The following SCARF2 variants were observed in gnomAD, a reference collection of about 807,000 sequenced individuals.
SCARF2 encodes scavenger receptor class F member 2, also known as scavenger receptor expressed by endothelial cells 2 protein.
In SCARF2, 39 loss-of-function variants were observed where a neutral mutation model predicts 73.4. That is an observed-to-expected ratio of 0.53 (90% CI 0.41 to 0.69). The LOEUF is 0.69. Among genes scored for constraint, SCARF2 ranks in the 30% least tolerant of loss-of-function variants. The pLI, the probability that SCARF2 is intolerant of heterozygous loss-of-function variation, is 0.00. For synonymous variants in SCARF2, 605 were observed against 590.0 expected, an observed-to-expected ratio of 1.03 and a Z score of -0.37; for missense variants, 1,148 against 1,303.5, an observed-to-expected ratio of 0.88 and a Z score of 1.84.
At chr22:20,437,338 C>T (rs557675247) in intron 1 of SCARF2, among the ~76,000 whole-genome samples, 60 of 152,358 alleles carry the variant, frequency 3.9e-4, no homozygotes, top group African/African-American at 1.4e-3. Flanking sequence ...CGCGTGTCAT[C>T]CCCTGGGTGC....
chr22:20,428,247 T>A (rs2052602019), intron 9 of SCARF2, among the ~76,000 whole-genome samples: 1 of 139,262 alleles, frequency 7.2e-6, no homozygotes, highest in African/African-American at 2.6e-5. Context: ...TTCCTTCTCT[T>A]TCTTCTTTTC....
At chr22:20,434,204 G>T (rs2146136192) in intron 1 of SCARF2, among the ~76,000 whole-genome samples, 1 of 152,308 alleles carries the variant, frequency 6.6e-6, no homozygotes, top group African/African-American at 2.4e-5. Flanking sequence ...GAGGCAAGAG[G>T]ATTGCTTGAG....
Position 20,429,350 on chromosome 22 carries a change from C to CG in SCARF2, c.1425-11dup, listed in dbSNP as rs773570373. The CG allele has an allele frequency of 1.0e-4, 52 of 506,862 alleles. No homozygotes were observed. In the East Asian group the frequency reaches 2.4e-3, roughly 24 times the overall value. The allele number at this position is 506,862 out of a possible 1,614,324, so 31.4% of individuals were successfully genotyped here. A position where few individuals can be genotyped will look rare whatever the true frequency, so the allele number is the denominator to read the frequency against. ...CCCAAGCGAAAGCTCCCTGCGGGGGCGGGGTCTGAGCGGAGGGGCGGGGCC... is the reference window on the plus strand; with the variant it reads ...CCCAAGCGAAAGCTCCCTGCGGGGGCGGGGGTCTGAGCGGAGGGGCGGGGCC... On this transcript the variant is annotated splice_polypyrimidine_tract_variant and intron_variant, in intron 8 of 10. Transcript: ENST00000622235. This position sits in a 1 kb window ranked among gnomAD's most constrained non-coding sequence, Gnocchi z 5.2.
Position 20,429,914 on chromosome 22 carries a change from GC to G in SCARF2, c.1203-82del. The G allele has an allele frequency of 1.4e-6, 2 of 1,423,510 alleles. No individual in the cohort carries two copies. The highest frequency in any genetic ancestry group is 9.6e-7 in the Non-Finnish European group (1 of 1,039,172). The allele number at this position is 1,423,510 out of a possible 1,614,324, so 88.2% of individuals were successfully genotyped here. On this transcript the variant is annotated intron_variant, in intron 6 of 10. Transcript: ENST00000622235. This position sits in a 1 kb window ranked among gnomAD's most constrained non-coding sequence, Gnocchi z 5.2. ...CCCTCACCCCTCACCCGCGGCCAGG[GC>G]CCAGGGTCCAGGGTCCCAGAACCGG... is the stretch of plus-strand genomic sequence containing the variant.
chr22:20,429,547 G>A lies in SCARF2; in HGVS notation c.1413C>T (p.Asp471=), dbSNP rs111838285. ...GTATCTGGGCTCACCGGCGCGTAGGGTCCTTGCCGCGGCAAGCGCAGCAGC... is the reference window on the plus strand; with the variant it reads ...GTATCTGGGCTCACCGGCGCGTAGGATCCTTGCCGCGGCAAGCGCAGCAGC... ...LGCCCACRGK[D]PTRRELSLGR... Residue 471 remains aspartate (D), a synonymous_variant, in exon 8 of 11, where the codon GAC becomes GAT. Transcript: ENST00000622235. The surrounding 1 kb of genome is among the most constrained non-coding windows in gnomAD (Gnocchi z 5.2). The A allele has an allele frequency of 8.9e-5, 144 of 1,612,932 alleles. No homozygotes were observed. In the African/African-American group the frequency reaches 1.7e-3, roughly 19 times the overall value.
Position 20,429,639 on chromosome 22 carries a change from T to TG in SCARF2, c.1320dup (p.Lys441GlnfsTer81). On this transcript the variant is annotated frameshift_variant, in exon 8 of 11. Transcript: ENST00000622235. LOFTEE classifies it high-confidence loss of function. This position sits in a 1 kb window ranked among gnomAD's most constrained non-coding sequence, Gnocchi z 5.2. ...AGCGCGCCCGCGCCCATCACGCCCTTGCGCTGGTTGGTTTCTGTAGGGGGT... is the reference window on the plus strand; with the variant it reads ...AGCGCGCCCGCGCCCATCACGCCCTTGGCGCTGGTTGGTTTCTGTAGGGGGT... The TG allele has an allele frequency of 6.2e-7, 1 of 1,613,888 alleles. No homozygotes were observed. Among genetic ancestry groups the TG allele is most frequent in the South Asian group, 1.1e-5 (1 of 91,082 alleles).
chr22:20,434,894 G>T (rs943912487), intron 1 of SCARF2, among the ~76,000 whole-genome samples: 1 of 152,084 alleles, frequency 6.6e-6, no homozygotes, highest in East Asian at 1.9e-4. Flanking sequence ...ACACCAGCCC[G>T]ACCCTCCTGC....
In SCARF2 at chr22:20,431,162, C is replaced by T; in HGVS notation, c.710G>A (p.Gly237Asp). ...GRCQCRERTF[G>D]ARCDRYCQCF... ...CTGGCAGTAGCGATCGCAGCGCGCG[C>T]CGAACGTACGCTCGCGGCACTGACA... Residue 237 changes from glycine to aspartate, a missense_variant, in exon 4 of 11, where the codon GGC becomes GAC. Gly to Asp is a moderately conservative substitution (Grantham distance 94, BLOSUM62 -1). Transcript: ENST00000622235. 1 of 1,567,186 alleles carries T rather than the reference C, an allele frequency of 6.4e-7. No homozygotes were observed. Among genetic ancestry groups the T allele is most frequent in the Non-Finnish European group, 8.6e-7 (1 of 1,165,424 alleles).
rs906373794 is a variant in SCARF2, at chr22:20,425,969, G to C, written c.2007C>G (p.His669Gln). The change falls in exon 11 of 11, where the codon CAC becomes CAG. Residue 669 changes from histidine to glutamine, a missense_variant. Transcript: ENST00000622235. The surrounding 1 kb of genome is among the most constrained non-coding windows in gnomAD (Gnocchi z 4.6). ...CAGCTGCAGCGGCGCTGTGCTTGCC[G>C]TGGATCCAGGACACCTTAGGCTTGG... The part of the protein sequence containing the change: ...PATKPKVSWI[H>Q]GKHSAAAAGR... 6.3e-6 allele frequency: 10 copies of C among 1,594,056 alleles called. No individual in the cohort carries two copies. Among genetic ancestry groups the C allele is most frequent in the African/African-American group, 2.7e-5 (2 of 73,034 alleles).
chr22:20,429,856 C>T lies in SCARF2; in HGVS notation c.1203-23G>A, dbSNP rs763671420. The T allele has an allele frequency of 3.7e-6, 6 of 1,609,656 alleles. No individual in the cohort carries two copies. Among genetic ancestry groups the T allele is most frequent in the Non-Finnish European group, 5.1e-6 (6 of 1,178,566 alleles). On this transcript the variant is annotated intron_variant, in intron 6 of 10. Transcript: ENST00000622235. The surrounding 1 kb of genome is among the most constrained non-coding windows in gnomAD (Gnocchi z 5.2). The stretch of plus-strand genomic sequence containing the variant: ...CAGCTGCCGGGACATAGGGTCAAGG[C>T]ATGCCACAGCCGCCCCCCTAGGATG...
At position 20,425,266 on chromosome 22, in the gene SCARF2, G is replaced by A. The variant is rs957842167; in HGVS notation, c.*109C>T. 1 of 939,682 alleles carries A rather than the reference G, an allele frequency of 1.1e-6. No homozygotes were observed. The highest frequency in any genetic ancestry group is 1.7e-5 in the African/African-American group (1 of 58,182). The allele number at this position is 939,682 out of a possible 1,614,324, so 58.2% of individuals were successfully genotyped here. On this transcript the variant is annotated 3_prime_UTR_variant, in exon 11 of 11. Coordinates refer to ENST00000622235, the MANE Select transcript of SCARF2 (RefSeq NM_182895.5). This position sits in a 1 kb window ranked among gnomAD's most constrained non-coding sequence, Gnocchi z 4.6. Reference sequence around the variant, plus strand: ...ATGAGACGCAACCTCCGCTAGCCGCGCGGTGCCCGGCCAATAGGAGGCCGC... The same window carrying A: ...ATGAGACGCAACCTCCGCTAGCCGCACGGTGCCCGGCCAATAGGAGGCCGC...
intron 1 of SCARF2, 116 bp downstream of exon 1, chr22:20,437,466 A>G (rs2052713041): frequency 1.8e-6 from 2 of 1,123,230 alleles, no homozygotes; most frequent in East Asian, 3.2e-5. Flanking sequence ...AGGGAGCCGA[A>G]GGGGCCCACA....
rs1039431311 is a variant in SCARF2 at position 20,429,306 on chromosome 22, G to C, written c.1459C>G (p.Arg487Gly). Reference protein sequence around the residue: ...LSLGRKKAPHRLCGRFSRISM... With the variant: ...LSLGRKKAPHGLCGRFSRISM... The stretch of plus-strand genomic sequence containing the variant: ...ATGCGACTGAAGCGCCCGCATAGTC[G>C]GTGCGGCGCCTTCTTCCTCCCAAGC... The change falls in exon 9 of 11, where the codon CGA becomes GGA. Residue 487 changes from arginine to glycine, a missense_variant. Physicochemically the swap from Arg to Gly is moderately radical, Grantham distance 125 (BLOSUM62 -2). Transcript: ENST00000622235. This position sits in a 1 kb window ranked among gnomAD's most constrained non-coding sequence, Gnocchi z 5.2. 5 of 1,613,330 alleles carry C rather than the reference G, an allele frequency of 3.1e-6. 1 individual carries two copies. Among genetic ancestry groups the C allele is most frequent in the Admixed American group, 3.3e-5 (2 of 60,008 alleles).
At position 20,430,698 on chromosome 22, in the gene SCARF2, G is replaced by C; in HGVS notation, c.1065C>G (p.Ile355Met). 6.3e-7 allele frequency: 1 copy of C among 1,599,690 alleles called. No homozygotes were observed. The highest frequency in any genetic ancestry group is 1.7e-5 in the Admixed American group (1 of 57,998). ...CAGGCAGGGCTGCTCACCGGTCGCC[G>C]ATCCAGCCCGCGTTGCAGCGCGTAC... ...GKCTRCNAGWIGDRCETKCSN... is the reference protein window; with the variant it reads ...GKCTRCNAGWMGDRCETKCSN... The change falls in exon 5 of 11, where the codon ATC (isoleucine) becomes ATG (methionine). Residue 355 changes from isoleucine (I) to methionine (M), a missense_variant. This residue lies in a region of SCARF2 where 372 missense variants were observed against 532.0 expected (regional missense o/e 0.70). Coordinates refer to ENST00000622235, the MANE Select transcript of SCARF2 (RefSeq NM_182895.5).
chr22:20,433,327 C>T (rs997076142), intron 1 of SCARF2, among the ~76,000 whole-genome samples: 21 of 152,206 alleles, frequency 1.4e-4, no homozygotes, highest in Admixed American at 9.2e-4. Context: ...AACAGCCATT[C>T]GCACTTTAGA....
chr22:20,435,944 G>T (rs1159408869), intron 1 of SCARF2, among the ~76,000 whole-genome samples: 1 of 152,252 alleles, frequency 6.6e-6, no homozygotes, highest in African/African-American at 2.4e-5. Flanking sequence ...AGGGCTGATG[G>T]AAGCCTTGCA....
chr22:20,429,282 T>A lies in SCARF2; in HGVS notation c.1483A>T (p.Ile495Phe), dbSNP rs754706730. ...GGGATCCGGGGCAGCTTCATGCTGA[T>A]GCGACTGAAGCGCCCGCATAGTCGG... ...PHRLCGRFSR[I>F]SMKLPRIPLR... is the part of the protein sequence containing the mutation. Residue 495 changes from isoleucine to phenylalanine, a missense_variant, in exon 9 of 11, where the codon ATC becomes TTC. Transcript: ENST00000622235. The surrounding 1 kb of genome is among the most constrained non-coding windows in gnomAD (Gnocchi z 5.2). The A allele has an allele frequency of 5.6e-6, 9 of 1,609,418 alleles. No individual in the cohort carries two copies. Among genetic ancestry groups the A allele is most frequent in the African/African-American group, 1.3e-5 (1 of 74,564 alleles).
chr22:20,433,395 G>A (rs1030786998), intron 1 of SCARF2, among the ~76,000 whole-genome samples: 26 of 152,210 alleles, frequency 1.7e-4, no homozygotes, highest in African/African-American at 3.4e-4. Flanking sequence ...ATCTAGAACC[G>A]GAAGGTGGTG....
chr22:20,425,268 GGT>G lies in SCARF2; in HGVS notation c.*105_*106del. 1 of 958,102 alleles carries G rather than the reference GGT, an allele frequency of 1.0e-6. No individual in the cohort carries two copies. Among genetic ancestry groups the G allele is most frequent in the South Asian group, 2.9e-5 (1 of 33,928 alleles). 59.4% of individuals were successfully genotyped at this position (958,102 alleles called of 1,614,324 possible). A position where few individuals can be genotyped will look rare whatever the true frequency, so the allele number is the denominator to read the frequency against. ...GAGACGCAACCTCCGCTAGCCGCGC[GGT>G]GCCCGGCCAATAGGAGGCCGCCCGT... On this transcript the variant is annotated 3_prime_UTR_variant, in exon 11 of 11. Coordinates refer to ENST00000622235, the MANE Select transcript of SCARF2 (RefSeq NM_182895.5). This position sits in a 1 kb window ranked among gnomAD's most constrained non-coding sequence, Gnocchi z 4.6.
Sources: allele counts gnomAD v4.1 joint callset (sites outside exome capture counted in the v4.1 genomes callset), GRCh38; gene constraint gnomAD v4.1.1; regional missense constraint gnomAD v4.1.1; non-coding constraint Gnocchi (gnomAD v3.1); transcripts MANE v1.5; gene names NCBI Gene and HGNC (gene_info 2026-07-23, HGNC 2026-07-21).